PDLIM5: variants seen among roughly 807,000 people sequenced by gnomAD.
PDLIM5 encodes PDZ and LIM domain 5, also known as PDZ and LIM domain protein 5.
PDLIM5 carries 34 observed loss-of-function variants against 64.2 expected under a neutral mutation model. That is an observed-to-expected ratio of 0.53 (90% confidence interval 0.40 to 0.71). The LOEUF is 0.71. Among genes scored for constraint, PDLIM5 ranks in the 30% least tolerant of loss-of-function variants. PDLIM5 has a pLI of 0.00. For missense variants in PDLIM5, 683 were observed against 733.6 expected, an observed-to-expected ratio of 0.93 and a Z score of 0.80; for synonymous variants, 253 against 269.1, an observed-to-expected ratio of 0.94 and a Z score of 0.59.
intron 3 of PDLIM5, among the ~76,000 whole-genome samples, chr4:94,568,773 A>C (rs1327080209): frequency 6.6e-6 from 1 of 152,200 alleles, no homozygotes; most frequent in Non-Finnish European, 1.5e-5. Context: ...GATGTATGCA[A>C]ATAAATTATA....
intron 2 of PDLIM5, among the ~76,000 whole-genome samples, chr4:94,472,871 T>TAAGCC (rs1185880684): frequency 1.6e-4 from 24 of 152,206 alleles, no homozygotes; most frequent in Non-Finnish European, 3.1e-4. Context: ...TATTGAACAT[T>TAAGCC]TATTATATGC....
At chr4:94,593,778 T>C (rs1736856562) in intron 7 of PDLIM5, among the ~76,000 whole-genome samples, 1 of 152,212 alleles carries the variant, frequency 6.6e-6, no homozygotes, top group Non-Finnish European at 1.5e-5. Flanking sequence ...TTTTGACAGA[T>C]TGTCATTTAA....
At chr4:94,467,015 T>A (rs1183960849) in intron 2 of PDLIM5, among the ~76,000 whole-genome samples, 2 of 152,202 alleles carry the variant, frequency 1.3e-5, no homozygotes, top group East Asian at 3.8e-4. Flanking sequence ...TACAGTCTTT[T>A]AAGGCCATGG....
In PDLIM5 at chr4:94,667,667, G is replaced by A. The variant is rs1252083428; in HGVS notation, c.*3600G>A. ...CCGTGTTTATTTCCTATTAATTCAG[G>A]TTCCGTTTAGAGTCTAAAACTAAAA... On this transcript the variant is annotated 3_prime_UTR_variant, in exon 13 of 13. Transcript: ENST00000317968. The A allele has an allele frequency of 1.3e-5, 2 of 152,038 alleles. No homozygotes were observed. The highest frequency in any genetic ancestry group is 2.9e-5 in the Non-Finnish European group (2 of 68,008). 9.4% of individuals were successfully genotyped at this position (152,038 alleles called of 1,614,324 possible).
At position 94,585,589 on chromosome 4, in the gene PDLIM5, G is replaced by A. The variant is rs1373762151; in HGVS notation, c.735G>A (p.Glu245=). The A allele has an allele frequency of 6.2e-7, 1 of 1,610,368 alleles. No homozygotes were observed. ...QNGPPRKHIV[E]RYTEFYHVPT... ...GCCCACCAAGAAAACACATTGTGGA[G>A]CGCTATACAGAGTTTTATCATGTAC... Residue 245 remains glutamate, a synonymous_variant, in exon 6 of 13, where the codon GAG becomes GAA. Transcript: ENST00000317968.
At chr4:94,595,506 G>T (rs1026334102) in intron 7 of PDLIM5, among the ~76,000 whole-genome samples, 1 of 152,176 alleles carries the variant, frequency 6.6e-6, no homozygotes, top group Non-Finnish European at 1.5e-5. Context: ...TTTTAGCACT[G>T]GAAGAATAGA....
At chr4:94,564,712 G>A (rs958408060) in intron 3 of PDLIM5, among the ~76,000 whole-genome samples, 5 of 135,864 alleles carry the variant, frequency 3.7e-5, no homozygotes, top group Admixed American at 2.5e-4. Flanking sequence ...CTGGAGTGCA[G>A]TAGGGCCATC....
chr4:94,620,444 G>A (rs1739128343), intron 8 of PDLIM5, among the ~76,000 whole-genome samples: 1 of 151,986 alleles, frequency 6.6e-6, no homozygotes, highest in South Asian at 2.1e-4. Flanking sequence ...GGCTGAGGTG[G>A]GAGCATCATC....
intron 2 of PDLIM5, among the ~76,000 whole-genome samples, chr4:94,477,066 C>G (rs1018901428): frequency 2.6e-5 from 4 of 152,126 alleles, no homozygotes; most frequent in Non-Finnish European, 4.4e-5. Context: ...ATGCCCCTTC[C>G]CAGCTTCTAT....
At chr4:94,649,931 A>C (rs1003811708) in intron 9 of PDLIM5, among the ~76,000 whole-genome samples, 1 of 152,224 alleles carries the variant, frequency 6.6e-6, no homozygotes, top group African/African-American at 2.4e-5. Flanking sequence ...TGGAGAAGCA[A>C]GTCATTTATG....
chr4:94,640,492 A>C (rs1740913369), intron 9 of PDLIM5, 42 bp downstream of exon 9: 1 of 1,210,916 alleles, frequency 8.3e-7, no homozygotes, highest in Admixed American at 2.6e-5. Flanking sequence ...ACTTAATATC[A>C]ATGTTGGGTT....
chr4:94,556,749 GTTGT>G (rs879695698), intron 3 of PDLIM5, among the ~76,000 whole-genome samples: 116 of 152,222 alleles, frequency 7.6e-4, no homozygotes, highest in Non-Finnish European at 1.2e-3. Flanking sequence ...TTTTGATGGG[GTTGT>G]TTGTTTTTTT....
At chr4:94,498,345 A>G (rs1267146608) in intron 2 of PDLIM5, among the ~76,000 whole-genome samples, 1 of 152,218 alleles carries the variant, frequency 6.6e-6, no homozygotes, top group Non-Finnish European at 1.5e-5. Context: ...TTTTGCTATC[A>G]TAATGACATA....
intron 2 of PDLIM5, among the ~76,000 whole-genome samples, chr4:94,506,145 G>C (rs1222948621): frequency 6.6e-6 from 1 of 152,212 alleles, no homozygotes; most frequent in Non-Finnish European, 1.5e-5. Flanking sequence ...GTATTTCATA[G>C]TATCACAGAT....
At chr4:94,586,550 G>A (rs1361166290) in intron 7 of PDLIM5, 106 bp downstream of exon 7, 3 of 665,686 alleles carry the variant, frequency 4.5e-6, no homozygotes, top group South Asian at 2.0e-5. Context: ...CGTCTTTGCA[G>A]CTAGAAGCTA....
chr4:94,564,673 T>TTTTTTTTTTTTTTTTG (rs1195951922), intron 3 of PDLIM5, among the ~76,000 whole-genome samples: 5 of 144,858 alleles, frequency 3.5e-5, no homozygotes, highest in African/African-American at 1.1e-4. Flanking sequence ...TTTTTTTTTT[T>TTTTTTTTTTTTTTTTG]TTGACAGAGT....
intron 3 of PDLIM5, among the ~76,000 whole-genome samples, chr4:94,543,658 G>T (rs1732030750): frequency 1.3e-5 from 2 of 152,066 alleles, no homozygotes; most frequent in South Asian, 4.2e-4. Flanking sequence ...ATTCCACATA[G>T]GAGATCATGC....
chr4:94,498,927 G>T (rs1027111184), intron 2 of PDLIM5, among the ~76,000 whole-genome samples: 1 of 152,186 alleles, frequency 6.6e-6, no homozygotes, highest in Non-Finnish European at 1.5e-5. Context: ...TTAGCAGATT[G>T]CTCAAACAAT....
At chr4:94,491,157 C>A (rs1560651603) in intron 2 of PDLIM5, among the ~76,000 whole-genome samples, 1 of 152,110 alleles carries the variant, frequency 6.6e-6, no homozygotes, top group Non-Finnish European at 1.5e-5. Context: ...ATGATCATCA[C>A]CTTATTCAGA....
Sources: gnomAD v4.1 joint callset for allele counts (sites outside exome capture counted in the v4.1 genomes callset) on GRCh38, gnomAD v4.1.1 for gene constraint, MANE v1.5 for transcripts, NCBI Gene and HGNC (gene_info 2026-07-23, HGNC 2026-07-21) for gene names.